RIMS1: variants seen among roughly 807,000 people sequenced by gnomAD.
RIMS1 encodes regulating synaptic membrane exocytosis 1.
In RIMS1, 83 loss-of-function variants were observed where a neutral mutation model predicts 214.1. The observed-to-expected ratio is 0.39, with a 90% CI of 0.32 to 0.47. The LOEUF (loss-of-function observed/expected upper bound fraction) is 0.47. Among genes scored for constraint, RIMS1 ranks in the 20% least tolerant of loss-of-function variants. RIMS1 has a pLI of 0.99. For missense variants in RIMS1, 2,050 were observed against 2,161.8 expected, an observed-to-expected ratio of 0.95 and a Z score of 1.03; for synonymous variants, 793 against 786.8, an observed-to-expected ratio of 1.01 and a Z score of -0.13.
intron 29 of RIMS1, among the ~76,000 whole-genome samples, chr6:72,362,555 A>T (rs1285869353): frequency 1.3e-5 from 2 of 152,168 alleles, no homozygotes; most frequent in Non-Finnish European, 2.9e-5. Context: ...TACAAATTTA[A>T]AAAAAAGCAA....
chr6:72,169,310 C>T (rs1003414807), intron 4 of RIMS1, among the ~76,000 whole-genome samples: 1 of 152,018 alleles, frequency 6.6e-6, no homozygotes, highest in Non-Finnish European at 1.5e-5. Flanking sequence ...ATTATATAAG[C>T]CTTCTCAAAA....
chr6:71,969,208 A>C (rs897946056), intron 2 of RIMS1, 145 bp downstream of exon 2: 1 of 781,356 alleles, frequency 1.3e-6, no homozygotes, highest in African/African-American at 1.7e-5. Flanking sequence ...ATTAGATAAA[A>C]TTAGCTGAGC....
chr6:71,992,610 CCTTCTTCTT>C (rs34650202), intron 2 of RIMS1, among the ~76,000 whole-genome samples: 4 of 146,526 alleles, frequency 2.7e-5, no homozygotes, highest in Admixed American at 6.9e-5. Context: ...TTCTCCTTCT[CCTTCTTCTT>C]CTTCTTCTTC....
intron 4 of RIMS1, among the ~76,000 whole-genome samples, chr6:72,105,638 A>T (rs2034590990): frequency 6.6e-6 from 1 of 152,208 alleles, no homozygotes; most frequent in African/African-American, 2.4e-5. Context: ...TTGCAAGTTT[A>T]TTATTTAATA....
intron 23 of RIMS1, among the ~76,000 whole-genome samples, chr6:72,282,185 A>G (rs2090443303): frequency 6.6e-6 from 1 of 152,118 alleles, no homozygotes. Flanking sequence ...GTGGGGACCA[A>G]GCATAAATTT....
chr6:72,150,465 A>G (rs887030514), intron 4 of RIMS1, among the ~76,000 whole-genome samples: 5 of 152,180 alleles, frequency 3.3e-5, no homozygotes, highest in Non-Finnish European at 7.4e-5. Flanking sequence ...TGCCACTATT[A>G]TCAGGACATA....
At chr6:71,990,751 G>C (rs993102139) in intron 2 of RIMS1, among the ~76,000 whole-genome samples, 1 of 152,080 alleles carries the variant, frequency 6.6e-6, no homozygotes, top group Non-Finnish European at 1.5e-5. Flanking sequence ...CAGAAGGAAC[G>C]TGTCCCTGGA....
intron 4 of RIMS1, among the ~76,000 whole-genome samples, chr6:72,165,896 G>T (rs530649150): frequency 2.6e-4 from 40 of 152,202 alleles, no homozygotes; most frequent in African/African-American, 9.6e-4. Flanking sequence ...CCTATTATTT[G>T]GGGGAACTGG....
intron 1 of RIMS1, among the ~76,000 whole-genome samples, chr6:71,890,596 A>AAAAAAAAC (rs1554194854): frequency 0.035 from 3,951 of 112,632 alleles, 679 homozygotes; most frequent in Non-Finnish European, 0.053. Flanking sequence ...AAAAAAAAAA[A>AAAAAAAAC]ACTTCATAGA....
At chr6:72,049,745 T>A (rs1824092985) in intron 2 of RIMS1, among the ~76,000 whole-genome samples, 1 of 152,196 alleles carries the variant, frequency 6.6e-6, no homozygotes, top group Non-Finnish European at 1.5e-5. Flanking sequence ...TATTAAAGGA[T>A]AATTAAGGAA....
chr6:72,179,465 T>C, intron 4 of RIMS1, 110 bp from the exon 5 acceptor site: 2 of 971,594 alleles, frequency 2.1e-6, no homozygotes, highest in Non-Finnish European at 3.2e-6. Context: ...TTTGCAAGGA[T>C]AAATATGAAA....
rs117315626 is a variant in RIMS1 at position 72,217,780 on chromosome 6, G to T, written c.1679-15993G>T. Among the ~76,000 whole-genome samples, 323 of 152,286 alleles carry T rather than the reference G, an allele frequency of 2.1e-3. 6 individuals carry two copies. In the East Asian group the frequency reaches 0.053, roughly 25 times the overall value. On this transcript the variant is annotated intron_variant, in intron 6 of 33. Transcript: ENST00000521978. ...GTGTTTTCGGTGATGTTAAGCTGTG[G>T]ACTAAAGGGGAAACTGTTCAGATGA...
intron 2 of RIMS1, among the ~76,000 whole-genome samples, chr6:72,074,526 G>A (rs538898108): frequency 1.1e-3 from 164 of 152,162 alleles, no homozygotes; most frequent in African/African-American, 3.7e-3. Flanking sequence ...TTAGCCGGAC[G>A]TGGTGGCCCA....
rs560642940 is a variant in RIMS1, at chr6:72,182,856, C to T, written c.1385C>T (p.Pro462Leu). 6.4e-7 allele frequency: 1 copy of T among 1,557,290 alleles called. No individual in the cohort carries two copies. Among genetic ancestry groups the T allele is most frequent in the South Asian group, 1.2e-5 (1 of 84,578 alleles). The change falls in exon 6 of 34, where the codon CCG becomes CTG. Residue 462 changes from proline to leucine, a missense_variant. Physicochemically the swap from Pro to Leu is moderately conservative, Grantham distance 98. Coordinates refer to ENST00000521978, the MANE Select transcript of RIMS1 (RefSeq NM_014989.7). ...PRHGPVPAEAPELKAQEPLRK... is the reference protein window; with the variant it reads ...PRHGPVPAEALELKAQEPLRK... ...CATGGGCCGGTTCCCGCAGAAGCCC[C>T]GGAGCTCAAAGCCCAGGAGCCCCTC...
At chr6:72,109,668 G>C (rs2035605282) in intron 4 of RIMS1, among the ~76,000 whole-genome samples, 1 of 152,110 alleles carries the variant, frequency 6.6e-6, no homozygotes, top group African/African-American at 2.4e-5. Flanking sequence ...TCACTCTGAT[G>C]GTAGTTCCTG....
intron 29 of RIMS1, among the ~76,000 whole-genome samples, chr6:72,374,078 C>G (rs1420032346): frequency 6.6e-6 from 1 of 152,044 alleles, no homozygotes. Context: ...CCACACCCAG[C>G]TAATTTTTGT....
chr6:72,055,918 G>A (rs116266603), intron 2 of RIMS1, among the ~76,000 whole-genome samples: 2,000 of 152,136 alleles, frequency 0.013, 54 homozygotes, highest in African/African-American at 0.046. Context: ...TTGAGTATAC[G>A]CCCAAAGGAA....
intron 4 of RIMS1, among the ~76,000 whole-genome samples, chr6:72,124,752 C>T (rs2039151005): frequency 6.6e-6 from 1 of 152,116 alleles, no homozygotes; most frequent in Admixed American, 6.6e-5. Context: ...GATACCCTTT[C>T]TTCCACTTGA....
chr6:72,260,632 A>T, intron 18 of RIMS1, 73 bp from the exon 19 acceptor site: 1 of 1,579,632 alleles, frequency 6.3e-7, no homozygotes, highest in South Asian at 1.1e-5. Flanking sequence ...TCATGTTTTC[A>T]TTGGCATACC....
Sources: gnomAD v4.1 joint callset for allele counts (sites outside exome capture counted in the v4.1 genomes callset) on GRCh38, gnomAD v4.1.1 for gene constraint, MANE v1.5 for transcripts, NCBI Gene and HGNC (gene_info 2026-07-23, HGNC 2026-07-21) for gene names.